The following DCP2 variants were observed in gnomAD, a reference collection of about 807,000 sequenced individuals.
DCP2 encodes decapping mRNA 2.
DCP2 carries 30 observed loss-of-function variants against 56.1 expected under a neutral mutation model. That is an observed-to-expected ratio of 0.53 (90% confidence interval 0.40 to 0.73). DCP2 has a LOEUF of 0.73. DCP2 is among the 30% of genes least tolerant of loss of function. DCP2 has a pLI of 0.00. For synonymous variants in DCP2, 197 were observed against 163.3 expected (o/e 1.21, Z -1.57); for missense variants, 533 against 502.7 (o/e 1.06, Z -0.58).
At chr5:112,987,718 C>T (rs1265240524) in intron 2 of DCP2, among the ~76,000 whole-genome samples, 1 of 148,192 alleles carries the variant, frequency 6.7e-6, no homozygotes, top group African/African-American at 2.5e-5. Flanking sequence ...AAGTGATCCA[C>T]CTGCCTTGGC....
chr5:112,986,082 TAG>T, intron 2 of DCP2, 96 bp downstream of exon 2: 1 of 1,272,502 alleles, frequency 7.9e-7, no homozygotes, highest in Non-Finnish European at 1.1e-6. Context: ...TTAAAACTAT[TAG>T]AGAAAAACAT....
rs772270550 is a variant in DCP2 at position 113,001,337 on chromosome 5, T to G, written c.586-20T>G. ...CTTGATAAAAATTAACTAAATGAAT[T>G]ATTTTCTTCTGTGTTTCAGAACATT... On this transcript the variant is annotated intron_variant, in intron 5 of 10. Coordinates refer to ENST00000389063, the MANE Select transcript of DCP2 (RefSeq NM_152624.6). The G allele has an allele frequency of 3.9e-5, 63 of 1,598,680 alleles. 2 individuals are homozygous for G. The South Asian group carries it at 6.9e-4, about 18-fold the overall frequency.
intron 3 of DCP2, 101 bp from the exon 4 acceptor site, chr5:112,992,571 G>A (rs1481055301): frequency 2.3e-6 from 2 of 853,394 alleles, no homozygotes; most frequent in East Asian, 2.8e-5. Flanking sequence ...AATTATTGGC[G>A]ATAACAGTTA....
chr5:113,005,754 T>A (rs1271320018), intron 8 of DCP2, among the ~76,000 whole-genome samples: 1 of 152,230 alleles, frequency 6.6e-6, no homozygotes, highest in African/African-American at 2.4e-5. Context: ...AAACAACTCA[T>A]ATGCCTGTCA....
intron 1 of DCP2, among the ~76,000 whole-genome samples, chr5:112,981,146 C>T (rs1226420502): frequency 6.6e-6 from 1 of 151,990 alleles, no homozygotes; most frequent in Non-Finnish European, 1.5e-5. Context: ...GTAGCTAGGA[C>T]TATAGGCATG....
chr5:112,996,433 A>G (rs1342974233), intron 4 of DCP2, among the ~76,000 whole-genome samples: 7 of 152,138 alleles, frequency 4.6e-5, no homozygotes, highest in Non-Finnish European at 8.8e-5. Context: ...TTTAAGTTAC[A>G]TACATTTAAG....
intron 4 of DCP2, among the ~76,000 whole-genome samples, chr5:112,995,483 G>T (rs946091257): frequency 1.3e-5 from 2 of 152,196 alleles, no homozygotes; most frequent in African/African-American, 4.8e-5. Flanking sequence ...TAAGGTGGTT[G>T]TCCAGGTCAG....
chr5:112,993,000 C>T (rs559161771), intron 4 of DCP2, among the ~76,000 whole-genome samples: 1 of 149,080 alleles, frequency 6.7e-6, no homozygotes, highest in Non-Finnish European at 1.5e-5. Flanking sequence ...TTTGTATTAT[C>T]TCTTGTTCCT....
intron 4 of DCP2, among the ~76,000 whole-genome samples, chr5:112,996,953 C>A (rs1748885096): frequency 6.6e-6 from 1 of 152,150 alleles, no homozygotes; most frequent in Admixed American, 6.5e-5. Flanking sequence ...AGGAGGTAGG[C>A]TTTAAAGACA....
intron 2 of DCP2, among the ~76,000 whole-genome samples, chr5:112,986,342 T>C (rs79236632): frequency 0.012 from 1,017 of 83,228 alleles, 27 homozygotes; most frequent in South Asian, 0.097. Flanking sequence ...ATTTTTTTTC[T>C]TTTTTTTTTT....
intron 2 of DCP2, among the ~76,000 whole-genome samples, chr5:112,987,686 C>G (rs1241946227): frequency 6.0e-5 from 8 of 133,730 alleles, no homozygotes; most frequent in Non-Finnish European, 6.1e-5. Flanking sequence ...GCTGGCCAGG[C>G]TGGTCTCAAA....
intron 10 of DCP2, among the ~76,000 whole-genome samples, chr5:113,012,284 C>G (rs1018469329): frequency 6.6e-6 from 1 of 152,108 alleles, no homozygotes; most frequent in Non-Finnish European, 1.5e-5. Flanking sequence ...CACTTGCGCC[C>G]AGGAGGTTGA....
Position 113,001,387 on chromosome 5 carries a change from C to T in DCP2, c.616C>T (p.Pro206Ser). The T allele has an allele frequency of 6.2e-7, 1 of 1,613,446 alleles. No homozygotes were observed. The highest frequency in any genetic ancestry group is 8.5e-7 in the Non-Finnish European group (1 of 1,179,932). Residue 206 changes from proline to serine, a missense_variant, in exon 6 of 11, where the codon CCT (proline) becomes TCT (serine). Physicochemically the swap from Pro to Ser is moderately conservative, Grantham distance 74. Around this residue, in one of 3 missense-constraint regions of DCP2, gnomAD observed 392 missense variants for 346.6 expected, o/e 1.13. Transcript: ENST00000389063. ...TGAGTGGTTCTCTATTGAGAAATTG[C>T]CTTGTCATAGAAATGATATGACCCC... Reference protein sequence around the residue: ...NIEWFSIEKLPCHRNDMTPKS... With the variant: ...NIEWFSIEKLSCHRNDMTPKS...
chr5:112,991,838 C>G (rs1194538265), intron 2 of DCP2, among the ~76,000 whole-genome samples: 1 of 152,086 alleles, frequency 6.6e-6, no homozygotes, highest in Non-Finnish European at 1.5e-5. Flanking sequence ...ACTGTGAGTA[C>G]TAAAAACTTG....
At chr5:113,000,061 C>CAAAAAAAAAAAAA (rs60251393) in intron 4 of DCP2, among the ~76,000 whole-genome samples, 1 of 89,930 alleles carries the variant, frequency 1.1e-5, no homozygotes, top group Non-Finnish European at 2.1e-5. Context: ...AACTCCATCT[C>CAAAAAAAAAAAAA]AAAAAAAAAA....
rs903461258 is a variant in DCP2 at position 113,018,239 on chromosome 5, C to G, written c.*4755C>G. 4 of 152,206 alleles carry G rather than the reference C, an allele frequency of 2.6e-5. No individual in the cohort carries two copies. Among genetic ancestry groups the G allele is most frequent in the African/African-American group, 4.8e-5 (2 of 41,438 alleles). The allele number at this position is 152,206 out of a possible 1,614,324, so 9.4% of individuals were successfully genotyped here. A position where few individuals can be genotyped will look rare whatever the true frequency, so the allele number is the denominator to read the frequency against. On this transcript the variant is annotated 3_prime_UTR_variant, in exon 11 of 11. Coordinates refer to ENST00000389063, the MANE Select transcript of DCP2 (RefSeq NM_152624.6). ...CATGGGAGTGGGCTTAAAGGGTTGACTTCCACCAGCTGAGTACAAACAAGT... is the reference window on the plus strand; with the variant it reads ...CATGGGAGTGGGCTTAAAGGGTTGAGTTCCACCAGCTGAGTACAAACAAGT...
Position 113,004,086 on chromosome 5 carries a change from T to TA in DCP2, c.942+10dup. Reference sequence around the variant, plus strand: ...ACCTTTTAAAAGGAAAGGTGAGTGATACACAATTACAGTCTTTTCAGAAAT... The same window carrying TA: ...ACCTTTTAAAAGGAAAGGTGAGTGATAACACAATTACAGTCTTTTCAGAAAT... On this transcript the variant is annotated intron_variant, in intron 8 of 10. Transcript: ENST00000389063. 6.2e-7 allele frequency: 1 copy of TA among 1,608,924 alleles called. No individual in the cohort carries two copies. The highest frequency in any genetic ancestry group is 8.5e-7 in the Non-Finnish European group (1 of 1,178,714).
Position 113,019,809 on chromosome 5 carries a change from G to C in DCP2, c.*6325G>C, listed in dbSNP as rs1382799102. 2 of 151,988 alleles carry C rather than the reference G, an allele frequency of 1.3e-5. No homozygotes were observed. Among genetic ancestry groups the C allele is most frequent in the East Asian group, 3.9e-4 (2 of 5,190 alleles). 9.4% of individuals were successfully genotyped at this position (151,988 alleles called of 1,614,324 possible). A position where few individuals can be genotyped will look rare whatever the true frequency, so the allele number is the denominator to read the frequency against. On this transcript the variant is annotated 3_prime_UTR_variant, in exon 11 of 11. Transcript: ENST00000389063. The stretch of plus-strand genomic sequence containing the variant: ...GTACAATTCAGACTTTTATCTGTTA[G>C]CTTTAATAAAAATTTAAAACCATCT...
intron 2 of DCP2, among the ~76,000 whole-genome samples, chr5:112,987,411 G>T (rs1218307766): frequency 2.0e-5 from 3 of 152,072 alleles, no homozygotes; most frequent in Non-Finnish European, 4.4e-5. Context: ...GGCATCGTAT[G>T]GGTTCTTAAA....
Sources: gnomAD v4.1 joint callset for allele counts (sites outside exome capture counted in the v4.1 genomes callset) on GRCh38, gnomAD v4.1.1 for gene constraint, gnomAD v4.1.1 regional missense constraint, MANE v1.5 for transcripts, NCBI Gene and HGNC (gene_info 2026-07-23, HGNC 2026-07-21) for gene names.